ADAMTS20: variants seen among roughly 807,000 people sequenced by gnomAD.
ADAMTS20 encodes the protein A disintegrin and metalloproteinase with thrombospondin motifs 20.
In ADAMTS20, 225 loss-of-function variants were observed where a neutral mutation model predicts 260.1. The ratio of observed to expected loss-of-function variants is 0.87; its 90% CI spans 0.78 to 0.97. The LOEUF (loss-of-function observed/expected upper bound fraction) is 0.97, where lower values mean the gene tolerates loss of function less well. Ranked by LOEUF, ADAMTS20 falls within the 50% of genes least tolerant of loss-of-function variation. ADAMTS20 has a pLI of 0.00. For missense variants in ADAMTS20, 2,400 were observed against 2,337.7 expected, an observed-to-expected ratio of 1.03 and a Z score of -0.55; for synonymous variants, 802 against 769.5, an observed-to-expected ratio of 1.04 and a Z score of -0.70.
rs190372699 is a variant in ADAMTS20 at position 43,552,180 on chromosome 12, A to T, written c.-259T>A. ...CGCTGCCCTCAGAAACTCTCTGCTC[A>T]GGTTCAGCTCGGCGCGGGGAAGCAA... is the stretch of plus-strand genomic sequence containing the variant. On this transcript the variant is annotated 5_prime_UTR_variant, in exon 1 of 39. Coordinates refer to ENST00000389420, the MANE Select transcript of ADAMTS20 (RefSeq NM_025003.5). 1.4e-4 allele frequency among the ~76,000 whole-genome samples: 21 copies of T among 152,276 alleles called. No homozygotes were observed. Among genetic ancestry groups the T allele is most frequent in the Non-Finnish European group, 2.8e-4 (19 of 68,006 alleles).
chr12:43,535,274 G>A (rs1019086034), intron 2 of ADAMTS20, among the ~76,000 whole-genome samples: 8 of 152,058 alleles, frequency 5.3e-5, no homozygotes, highest in Non-Finnish European at 8.8e-5. Flanking sequence ...GTAAGCAGTA[G>A]GTATTTGTTA....
At chr12:43,423,800 A>G (rs1423285823) in intron 28 of ADAMTS20, 1 of 703,492 alleles carries the variant, frequency 1.4e-6, no homozygotes, top group Non-Finnish European at 2.6e-6. Flanking sequence ...CCTAGGATAT[A>G]GTAGATGGTC....
Position 43,354,225 on chromosome 12 carries a change from G to C in ADAMTS20, c.5717C>G (p.Pro1906Arg), listed in dbSNP as rs766694657. The C allele has an allele frequency of 2.5e-6, 4 of 1,587,494 alleles. No homozygotes were observed. Among genetic ancestry groups the C allele is most frequent in the Non-Finnish European group, 3.4e-6 (4 of 1,165,014 alleles). ...TCTAAATGTTCATATGACTTGAATT[G>C]GGAGACCAGTAGTCATGTGAGGAAG... is the stretch of plus-strand genomic sequence containing the variant. ...KCLPHMTTGL[P>R]IQVI The change falls in exon 39 of 39, where the codon CCA becomes CGA. Residue 1906 changes from proline (P) to arginine (R), a missense_variant. By Grantham distance (103) the Pro-to-Arg change is moderately radical. Coordinates refer to ENST00000389420, the MANE Select transcript of ADAMTS20 (RefSeq NM_025003.5).
At chr12:43,423,867 T>C (rs1941280967) in intron 28 of ADAMTS20, 1 of 726,040 alleles carries the variant, frequency 1.4e-6, no homozygotes, top group Non-Finnish European at 2.5e-6. Context: ...AATATGTTTT[T>C]CATTAGTTCC....
At chr12:43,539,186 C>T (rs1486681776) in intron 2 of ADAMTS20, among the ~76,000 whole-genome samples, 2 of 151,934 alleles carry the variant, frequency 1.3e-5, no homozygotes, top group African/African-American at 4.8e-5. Context: ...CTCCTGACCT[C>T]GTGATCCACC....
chr12:43,446,758 GAAGAA>G (rs751343759), intron 14 of ADAMTS20, 46 bp from the exon 15 acceptor site: 1 of 1,459,886 alleles, frequency 6.8e-7, no homozygotes, highest in South Asian at 1.2e-5. Flanking sequence ...GACTAATTAT[GAAGAA>G]AAGAGAGAAG....
chr12:43,460,156 A>G (rs1942034327), intron 11 of ADAMTS20, among the ~76,000 whole-genome samples: 1 of 152,204 alleles, frequency 6.6e-6, no homozygotes, highest in African/African-American at 2.4e-5. Context: ...TAAAAAAGAT[A>G]ATTTATACCT....
At chr12:43,537,670 T>G (rs1943315824) in intron 2 of ADAMTS20, among the ~76,000 whole-genome samples, 1 of 151,996 alleles carries the variant, frequency 6.6e-6, no homozygotes, top group South Asian at 2.1e-4. Context: ...CCACACACCC[T>G]CTCTCTATCC....
intron 16 of ADAMTS20, among the ~76,000 whole-genome samples, chr12:43,442,546 C>A (rs577217109): frequency 1.3e-5 from 2 of 152,266 alleles, no homozygotes; most frequent in East Asian, 1.9e-4. Flanking sequence ...GCATGAGCCA[C>A]CATGCACAGC....
chr12:43,439,041 C>T (rs910811116), intron 18 of ADAMTS20, among the ~76,000 whole-genome samples: 1 of 152,150 alleles, frequency 6.6e-6, no homozygotes, highest in Non-Finnish European at 1.5e-5. Flanking sequence ...TAATATTACA[C>T]AATTAAATAT....
intron 3 of ADAMTS20, among the ~76,000 whole-genome samples, chr12:43,525,690 G>A (rs1943132111): frequency 6.6e-6 from 1 of 152,082 alleles, no homozygotes; most frequent in Admixed American, 6.6e-5. Context: ...TACATTGAAT[G>A]CAAATGGAAA....
intron 8 of ADAMTS20, among the ~76,000 whole-genome samples, chr12:43,467,512 T>G (rs2137384339): frequency 6.6e-6 from 1 of 152,138 alleles, no homozygotes; most frequent in African/African-American, 2.4e-5. Flanking sequence ...ATTAAACAAC[T>G]TACCCATATA....
intron 35 of ADAMTS20, 78 bp from the exon 36 acceptor site, chr12:43,375,590 A>C: frequency 6.8e-7 from 1 of 1,460,380 alleles, no homozygotes; most frequent in South Asian, 1.2e-5. Context: ...GAGTAGAAAA[A>C]TAAAACACAC....
intron 28 of ADAMTS20, 56 bp downstream of exon 28, chr12:43,425,458 C>A: frequency 5.2e-6 from 7 of 1,336,804 alleles, no homozygotes; most frequent in Non-Finnish European, 5.9e-6. Flanking sequence ...AACTCTCCCT[C>A]ACTCAGACTC....
downstream of ADAMTS20, among the ~76,000 whole-genome samples, chr12:43,353,198 C>T (rs1939671616): frequency 6.6e-6 from 1 of 151,640 alleles, no homozygotes; most frequent in Non-Finnish European, 1.5e-5. Flanking sequence ...TGAGAATTTG[C>T]CAATTAATAG....
At chr12:43,549,319 T>G (rs1355486342) in intron 2 of ADAMTS20, among the ~76,000 whole-genome samples, 2 of 151,954 alleles carry the variant, frequency 1.3e-5, no homozygotes, top group Non-Finnish European at 2.9e-5. Context: ...AGTATGATGA[T>G]GACTTGGGCA....
At position 43,428,533 on chromosome 12, in the gene ADAMTS20, T is replaced by C; in HGVS notation, c.3655-2A>G. 1 of 1,606,552 alleles carries C rather than the reference T, an allele frequency of 6.2e-7. No homozygotes were observed. On this transcript the variant is annotated splice_acceptor_variant, in intron 25 of 38. Transcript: ENST00000389420. LOFTEE classifies it high-confidence loss of function. ...TCCATGGCCACAGGAAGCTGAACACTGATCAAAAATTTAGCCAATGGTAAT... is the reference window on the plus strand; with the variant it reads ...TCCATGGCCACAGGAAGCTGAACACCGATCAAAAATTTAGCCAATGGTAAT...
chr12:43,392,704 C>G (rs539906306), intron 29 of ADAMTS20, among the ~76,000 whole-genome samples: 81 of 152,188 alleles, frequency 5.3e-4, no homozygotes, highest in African/African-American at 1.8e-3. Context: ...CTTAGTTAAT[C>G]TCCCGAACAC....
intron 19 of ADAMTS20, among the ~76,000 whole-genome samples, chr12:43,433,992 CA>C (rs1941501235): frequency 6.6e-6 from 1 of 152,126 alleles, no homozygotes. Flanking sequence ...ATTTATTTTA[CA>C]GACAAAATTA....
Sources: allele counts gnomAD v4.1 joint callset (sites outside exome capture counted in the v4.1 genomes callset), GRCh38; gene constraint gnomAD v4.1.1; transcripts MANE v1.5; gene names NCBI Gene and HGNC (gene_info 2026-07-23, HGNC 2026-07-21).